MED13L: variants seen among roughly 807,000 people sequenced by gnomAD.
The protein encoded by MED13L is mediator of RNA polymerase II transcription subunit 13-like.
In MED13L, 7 loss-of-function variants were observed where a neutral mutation model predicts 220.9. The ratio of observed to expected loss-of-function variants is 0.03; its 90% CI spans 0.02 to 0.06. The LOEUF (loss-of-function observed/expected upper bound fraction) is 0.06. Among genes scored for constraint, MED13L ranks in the 10% least tolerant of loss-of-function variants. The pLI is 1.00. For missense variants in MED13L, 1,965 were observed against 2,760.5 expected (o/e 0.71, Z 6.46); for synonymous variants, 1,011 against 1,015.2 (o/e 1.00, Z 0.08).
intron 4 of MED13L, among the ~76,000 whole-genome samples, chr12:116,076,203 T>C (rs1391071870): frequency 6.6e-6 from 1 of 152,144 alleles, no homozygotes; most frequent in Non-Finnish European, 1.5e-5. Context: ...TTTTAAGTGC[T>C]AAAATCCTTG....
intron 2 of MED13L, among the ~76,000 whole-genome samples, chr12:116,146,849 C>CAG (rs1877566808): frequency 6.6e-6 from 1 of 151,638 alleles, no homozygotes; most frequent in Non-Finnish European, 1.5e-5. Flanking sequence ...GCCTGGGCAA[C>CAG]AGAGCAAGGC....
chr12:116,154,994 T>C (rs969923551), intron 2 of MED13L, among the ~76,000 whole-genome samples: 1 of 152,102 alleles, frequency 6.6e-6, no homozygotes, highest in African/African-American at 2.4e-5. Context: ...ACCTGGCTAA[T>C]TTCTGTATTT....
At chr12:115,990,925 A>G in intron 17 of MED13L, 95 bp downstream of exon 17, 6 of 1,357,216 alleles carry the variant, frequency 4.4e-6, no homozygotes, top group Non-Finnish European at 6.2e-6. Flanking sequence ...AAGACATGAA[A>G]TTAAAATTTT....
intron 4 of MED13L, among the ~76,000 whole-genome samples, chr12:116,089,161 T>C (rs767604950): frequency 4.7e-4 from 71 of 152,316 alleles, no homozygotes; most frequent in Non-Finnish European, 7.9e-4. Context: ...TTTCCAGTTA[T>C]TTAAATCTTC....
chr12:116,214,967 T>C (rs891048752), intron 2 of MED13L, among the ~76,000 whole-genome samples: 2 of 152,200 alleles, frequency 1.3e-5, no homozygotes, highest in African/African-American at 4.8e-5. Context: ...TACCAACTAA[T>C]ATATCCTAAT....
At chr12:116,201,640 T>A (rs1269771428) in intron 2 of MED13L, among the ~76,000 whole-genome samples, 3 of 152,194 alleles carry the variant, frequency 2.0e-5, no homozygotes, top group Admixed American at 6.5e-5. Context: ...GGGGGATCTG[T>A]ACAGGTGAGC....
chr12:116,050,888 G>C (rs1035894844), intron 4 of MED13L, among the ~76,000 whole-genome samples: 2 of 152,192 alleles, frequency 1.3e-5, no homozygotes, highest in African/African-American at 2.4e-5. Context: ...GCAGTGAGCC[G>C]AGATCATGCA....
intron 2 of MED13L, among the ~76,000 whole-genome samples, chr12:116,158,034 A>G (rs370016691): frequency 1.3e-5 from 2 of 152,168 alleles, no homozygotes; most frequent in Admixed American, 1.3e-4. Flanking sequence ...AAAACAAAAC[A>G]ATTAAATTGG....
chr12:116,003,870 GTAAGA>G (rs1878893420), intron 13 of MED13L, among the ~76,000 whole-genome samples: 1 of 152,162 alleles, frequency 6.6e-6, no homozygotes, highest in Admixed American at 6.5e-5. Context: ...TTTACGAGTA[GTAAGA>G]TGAATTAGCA....
At chr12:116,101,553 C>T (rs999056485) in intron 3 of MED13L, among the ~76,000 whole-genome samples, 1 of 152,132 alleles carries the variant, frequency 6.6e-6, no homozygotes, top group Non-Finnish European at 1.5e-5. Flanking sequence ...AAAAAATCTA[C>T]ATATTTCAAT....
intron 2 of MED13L, among the ~76,000 whole-genome samples, chr12:116,112,809 G>C (rs554883421): frequency 6.6e-6 from 1 of 152,150 alleles, no homozygotes; most frequent in Admixed American, 6.5e-5. Flanking sequence ...TTATCCTTTG[G>C]GTAGAATTTT....
rs1348772320 is a variant in MED13L at position 115,980,926 on chromosome 12, G to C, written c.5188C>G (p.Gln1730Glu). The change falls in exon 23 of 31, where the codon CAG becomes GAG. Residue 1730 changes from glutamine (Q) to glutamate (E), a missense_variant. By Grantham distance (29) the Gln-to-Glu change is conservative. This residue lies in a region of MED13L where 510 missense variants were observed against 620.4 expected (regional missense o/e 0.82). Coordinates refer to ENST00000281928, the MANE Select transcript of MED13L (RefSeq NM_015335.5). ...TCCTTCATTGTCTGCAGCATGTACT[G>C]GCAAGGCACAATCTAAAGACACAAA... ...NSFILQIVPC[Q>E]YMLQTMKDEQ... is the part of the protein sequence containing the mutation. The C allele has an allele frequency of 1.2e-6, 2 of 1,611,490 alleles. No homozygotes were observed. Among genetic ancestry groups the C allele is most frequent in the Non-Finnish European group, 1.7e-6 (2 of 1,179,930 alleles).
chr12:116,238,275 T>G lies in MED13L; in HGVS notation c.73-570A>C, dbSNP rs577529645. Among the ~76,000 whole-genome samples, 118 of 152,344 alleles carry G rather than the reference T, an allele frequency of 7.7e-4. 1 individual carries two copies. Among genetic ancestry groups the G allele is most frequent in the African/African-American group, 2.7e-3 (113 of 41,586 alleles). On this transcript the variant is annotated intron_variant, in intron 1 of 30. Coordinates refer to ENST00000281928, the MANE Select transcript of MED13L (RefSeq NM_015335.5). ...GTTATCAGCAATTTATTCATGTTTT[T>G]TAACATGTAGCAAACAGAAAAGCTT...
At chr12:116,148,365 G>A (rs537777529) in intron 2 of MED13L, among the ~76,000 whole-genome samples, 1 of 151,832 alleles carries the variant, frequency 6.6e-6, no homozygotes, top group South Asian at 2.1e-4. Context: ...AATTGTTGAT[G>A]GTGAACCTTA....
At chr12:116,156,432 GTCCAA>G (rs1878445881) in intron 2 of MED13L, among the ~76,000 whole-genome samples, 1 of 140,564 alleles carries the variant, frequency 7.1e-6, no homozygotes, top group Non-Finnish European at 1.6e-5. Context: ...AACTTTTATA[GTCCAA>G]AATGAAGTTC....
chr12:116,261,507 A>C (rs1777053188), intron 1 of MED13L, among the ~76,000 whole-genome samples: 1 of 151,866 alleles, frequency 6.6e-6, no homozygotes, highest in Non-Finnish European at 1.5e-5. Context: ...AAAAAAAAAA[A>C]AAAACTCTGG....
intron 2 of MED13L, among the ~76,000 whole-genome samples, chr12:116,117,186 C>A (rs540169759): frequency 6.6e-6 from 1 of 151,968 alleles, no homozygotes; most frequent in African/African-American, 2.4e-5. Context: ...AGAAGCCATA[C>A]TCAGACTATG....
At chr12:116,145,221 G>A (rs1289085586) in intron 2 of MED13L, among the ~76,000 whole-genome samples, 1 of 152,188 alleles carries the variant, frequency 6.6e-6, no homozygotes, top group Non-Finnish European at 1.5e-5. Flanking sequence ...AATGGCAGAT[G>A]GAAATCCTTA....
chr12:116,175,030 C>T (rs1206357677), intron 2 of MED13L, among the ~76,000 whole-genome samples: 4 of 152,102 alleles, frequency 2.6e-5, no homozygotes, highest in African/African-American at 9.7e-5. Flanking sequence ...CCACTGCACT[C>T]CAGCCTGAGC....
Sources: gnomAD v4.1 joint callset for allele counts (sites outside exome capture counted in the v4.1 genomes callset) on GRCh38, gnomAD v4.1.1 for gene constraint, gnomAD v4.1.1 regional missense constraint, MANE v1.5 for transcripts, NCBI Gene and HGNC (gene_info 2026-07-23, HGNC 2026-07-21) for gene names.